The following LRPAP1 variants were observed in gnomAD, a reference collection of about 807,000 sequenced individuals.
The protein encoded by LRPAP1 is alpha-2-macroglobulin receptor-associated protein.
Under a neutral mutation model 39.9 loss-of-function variants are expected in LRPAP1, and 41 were observed. The ratio of observed to expected loss-of-function variants is 1.03; its 90% CI spans 0.80 to 1.33. The LOEUF is 1.33. LRPAP1 is among the 40% of genes most tolerant of loss of function. The probability of loss-of-function intolerance (pLI) is 0.00; values close to 1 mark genes in which losing one functional copy is unlikely to be tolerated. For synonymous variants in LRPAP1, 263 were observed against 212.7 expected, an observed-to-expected ratio of 1.24 and a Z score of -2.06; for missense variants, 565 against 482.3, an observed-to-expected ratio of 1.17 and a Z score of -1.61.
intron 1 of LRPAP1, 113 bp from the exon 2 acceptor site, chr4:3,525,164 G>T: frequency 8.4e-7 from 1 of 1,191,026 alleles, no homozygotes; most frequent in Non-Finnish European, 1.2e-6. Flanking sequence ...ACCAGGAAGA[G>T]GTGGAGTCAG....
intron 1 of LRPAP1, among the ~76,000 whole-genome samples, chr4:3,529,063 C>G (rs1455251158): frequency 6.6e-6 from 1 of 152,118 alleles, no homozygotes; most frequent in Non-Finnish European, 1.5e-5. Context: ...GGGACTACAC[C>G]TGTAATCCCA....
At chr4:3,522,641 C>A (rs544097471) in intron 2 of LRPAP1, among the ~76,000 whole-genome samples, 1 of 124,432 alleles carries the variant, frequency 8.0e-6, no homozygotes, top group African/African-American at 3.1e-5. Flanking sequence ...CCGCCCCACA[C>A]CCCCTGCCTG....
intron 2 of LRPAP1, among the ~76,000 whole-genome samples, chr4:3,521,261 G>A (rs1481870066): frequency 6.6e-6 from 1 of 152,192 alleles, no homozygotes; most frequent in African/African-American, 2.4e-5. Context: ...GGCCGAGAGG[G>A]CCCCGAGTAG....
At chr4:3,525,722 G>A (rs1465731118) in intron 1 of LRPAP1, among the ~76,000 whole-genome samples, 2 of 152,164 alleles carry the variant, frequency 1.3e-5, no homozygotes, top group South Asian at 2.1e-4. Context: ...GGCAGGCCAC[G>A]CTTCATTCAT....
At chr4:3,527,342 G>T (rs1176501429) in intron 1 of LRPAP1, among the ~76,000 whole-genome samples, 1 of 152,166 alleles carries the variant, frequency 6.6e-6, no homozygotes, top group Non-Finnish European at 1.5e-5. Context: ...CCTGAGGTCT[G>T]ATCTGAGCAT....
chr4:3,532,093 GCACAGGTGCCCC>G, intron 1 of LRPAP1, 104 bp downstream of exon 1: 1 of 1,188,438 alleles, frequency 8.4e-7, no homozygotes, highest in Non-Finnish European at 1.2e-6. Flanking sequence ...GGCGCGTAGG[GCACAGGTGCCCC>G]GGCTGCGCCC....
At chr4:3,518,816 T>TG (rs1244735626) in intron 4 of LRPAP1, 55 bp downstream of exon 4, 1 of 644,610 alleles carries the variant, frequency 1.6e-6, no homozygotes, top group Non-Finnish European at 2.0e-6. Flanking sequence ...GCAGGAGGGG[T>TG]GGGGGGCAGG....
chr4:3,515,793 T>C (rs572311909), intron 6 of LRPAP1: 36 of 406,744 alleles, frequency 8.9e-5, no homozygotes, highest in African/African-American at 5.7e-4. Context: ...GGTAGTGTCC[T>C]TGGTCCCCTC....
chr4:3,514,902 T>C lies in LRPAP1; in HGVS notation c.861A>G (p.Lys287=). 6.2e-7 allele frequency: 1 copy of C among 1,613,788 alleles called. No homozygotes were observed. The highest frequency in any genetic ancestry group is 8.5e-7 in the Non-Finnish European group (1 of 1,179,870). Residue 287 remains lysine, a synonymous_variant, in exon 7 of 8, where the codon AAA becomes AAG. Transcript: ENST00000650182. ...FREELKHFEA[K]IEKHNHYQKQ... is the part of the protein sequence containing the mutation. Reference sequence around the variant, plus strand: ...TCTGGTAGTGGTTGTGCTTCTCGATTTTGGCTTCGAAGTGCTTGAGCTCCT... The same window carrying C: ...TCTGGTAGTGGTTGTGCTTCTCGATCTTGGCTTCGAAGTGCTTGAGCTCCT...
chr4:3,529,684 C>A (rs1222786727), intron 1 of LRPAP1, among the ~76,000 whole-genome samples: 8 of 152,024 alleles, frequency 5.3e-5, no homozygotes, highest in Admixed American at 3.3e-4. Context: ...TGAAGCAGCA[C>A]CCCCCTGGCC....
chr4:3,505,630 C>T lies in LRPAP1; in HGVS notation c.*7344G>A, dbSNP rs1209140876. Among the ~76,000 whole-genome samples, 1 of 151,792 alleles carries T rather than the reference C, an allele frequency of 6.6e-6. No homozygotes were observed. Among genetic ancestry groups the T allele is most frequent in the African/African-American group, 2.4e-5 (1 of 41,244 alleles). On this transcript the variant is annotated 3_prime_UTR_variant, in exon 8 of 8. Coordinates refer to ENST00000650182, the MANE Select transcript of LRPAP1 (RefSeq NM_002337.4). ...GAGCACCACTACCAGCTACCCCAAG[C>T]CCGTCTATACCAGCTACCCCAAGAC...
chr4:3,529,017 G>A (rs1227191625), intron 1 of LRPAP1, among the ~76,000 whole-genome samples: 1 of 152,136 alleles, frequency 6.6e-6, no homozygotes, highest in Non-Finnish European at 1.5e-5. Flanking sequence ...CACCATTCAC[G>A]TCAGAACTAA....
chr4:3,511,855 G>A lies in LRPAP1; in HGVS notation c.*1119C>T, dbSNP rs1309254473. On this transcript the variant is annotated 3_prime_UTR_variant, in exon 8 of 8. Coordinates refer to ENST00000650182, the MANE Select transcript of LRPAP1 (RefSeq NM_002337.4). ...GGGAACCACGCCCAGAGCCGGACCC[G>A]AGCCTCTTCCAGGCTCAGACACGGG... 1 of 143,476 alleles carries A rather than the reference G, an allele frequency of 7.0e-6. No individual in the cohort carries two copies. The highest frequency in any genetic ancestry group is 2.6e-5 in the African/African-American group (1 of 37,906). 8.9% of individuals were successfully genotyped at this position (143,476 alleles called of 1,614,324 possible). A position where few individuals can be genotyped will look rare whatever the true frequency, so the allele number is the denominator to read the frequency against.
rs778025991 is a variant in LRPAP1, at chr4:3,524,930, G to A, written c.326C>T (p.Ala109Val). ...ACCATTGAGGTTGCGTATGAGTCTC[G>A]CTTCCTTCTCCCCATCTTCGTCCAA... ...DGLDEDGEKEARLIRNLNVIL... is the reference protein window; with the variant it reads ...DGLDEDGEKEVRLIRNLNVIL... The change falls in exon 2 of 8, where the codon GCG (alanine) becomes GTG (valine). Residue 109 changes from alanine (A) to valine (V), a missense_variant. Ala to Val is a moderately conservative substitution (Grantham distance 64). Transcript: ENST00000650182. 1.1e-5 allele frequency: 17 copies of A among 1,614,046 alleles called. No individual in the cohort carries two copies. In the Admixed American group the frequency reaches 2.2e-4, roughly 21 times the overall value.
chr4:3,531,783 C>T (rs145463560), intron 1 of LRPAP1, among the ~76,000 whole-genome samples: 138 of 152,388 alleles, frequency 9.1e-4, no homozygotes, highest in African/African-American at 3.3e-3. Flanking sequence ...TACTGGGATT[C>T]CTTCTGTCCC....
chr4:3,520,183 G>A lies in LRPAP1; in HGVS notation c.360C>T (p.Ala120=). 6.2e-7 allele frequency: 1 copy of A among 1,613,792 alleles called. No homozygotes were observed. ...RLIRNLNVIL[A]KYGLDGKKDA... is the part of the protein sequence containing the mutation. ...CCTTCTTTCCGTCCAGACCATACTT[G>A]GCCAAGATGACTAGGAGAGAGGGGA... Residue 120 remains alanine (A), a synonymous_variant, in exon 3 of 8, where the codon GCC becomes GCT. Coordinates refer to ENST00000650182, the MANE Select transcript of LRPAP1 (RefSeq NM_002337.4).
Position 3,524,998 on chromosome 4 carries a change from C to A in LRPAP1, c.258G>T (p.Gln86His), listed in dbSNP as rs917335629. The A allele has an allele frequency of 2.5e-6, 4 of 1,614,062 alleles. No homozygotes were observed. In the African/African-American group the frequency reaches 5.3e-5, roughly 22 times the overall value. Residue 86 changes from glutamine to histidine, a missense_variant, in exon 2 of 8, where the codon CAG (glutamine) becomes CAT (histidine). Coordinates refer to ENST00000650182, the MANE Select transcript of LRPAP1 (RefSeq NM_002337.4). Reference sequence around the variant, plus strand: ...TCTTCCAGGCGAGTTCGTCCCTCTCCTGTATCTTCAGATCAGCGTGGAGCT... The same window carrying A: ...TCTTCCAGGCGAGTTCGTCCCTCTCATGTATCTTCAGATCAGCGTGGAGCT... ...LAELHADLKI[Q>H]ERDELAWKKL...
At chr4:3,531,902 C>T (rs1560264016) in intron 1 of LRPAP1, 1 of 483,140 alleles carries the variant, frequency 2.1e-6, no homozygotes, top group Non-Finnish European at 3.7e-6. Context: ...GTGATCTAGC[C>T]TGGTTCTGTC....
Position 3,505,781 on chromosome 4 carries a change from C to T in LRPAP1, c.*7193G>A, listed in dbSNP as rs910473846. Among the ~76,000 whole-genome samples, 29 of 152,212 alleles carry T rather than the reference C, an allele frequency of 1.9e-4. No individual in the cohort carries two copies. Among genetic ancestry groups the T allele is most frequent in the Non-Finnish European group, 3.5e-4 (24 of 68,042 alleles). ...TATACCACCACCCTGGATTACAACT[C>T]GGCAAGATGCTGGGGAGGTTTCTGT... is the stretch of plus-strand genomic sequence containing the variant. On this transcript the variant is annotated 3_prime_UTR_variant, in exon 8 of 8. Coordinates refer to ENST00000650182, the MANE Select transcript of LRPAP1 (RefSeq NM_002337.4).
Sources: gnomAD v4.1 joint callset for allele counts (sites outside exome capture counted in the v4.1 genomes callset) on GRCh38, gnomAD v4.1.1 for gene constraint, MANE v1.5 for transcripts, NCBI Gene and HGNC (gene_info 2026-07-23, HGNC 2026-07-21) for gene names.